Variants in DSG3 observed in about 807,000 individuals in gnomAD.
DSG3 encodes the protein desmoglein-3.
A neutral mutation model predicts 85.9 loss-of-function variants in DSG3; 63 were observed. That is an observed-to-expected ratio of 0.73 (90% CI 0.60 to 0.90). The LOEUF (loss-of-function observed/expected upper bound fraction) is 0.90. Among genes scored for constraint, DSG3 ranks in the 40% least tolerant of loss-of-function variants. DSG3 has a pLI of 0.00. For missense variants in DSG3, 1,220 were observed against 1,219.9 expected, an observed-to-expected ratio of 1.00 and a Z score of 0.00; for synonymous variants, 447 against 441.9, an observed-to-expected ratio of 1.01 and a Z score of -0.14.
intron 12 of DSG3, among the ~76,000 whole-genome samples, chr18:31,470,533 A>G (rs2072849391): frequency 6.6e-6 from 1 of 152,188 alleles, no homozygotes; most frequent in South Asian, 2.1e-4. Context: ...CGTATTAATC[A>G]AGTTCAAGAA....
chr18:31,449,469 CT>C (rs1254458575), intron 1 of DSG3, among the ~76,000 whole-genome samples: 3 of 150,816 alleles, frequency 2.0e-5, no homozygotes, highest in African/African-American at 4.8e-5. Flanking sequence ...AAGGGGGATT[CT>C]TTTTTTTTTC....
At chr18:31,472,222 A>C (rs918788105) in intron 12 of DSG3, 62 bp from the exon 13 acceptor site, 1 of 1,601,848 alleles carries the variant, frequency 6.2e-7, no homozygotes, top group African/African-American at 1.3e-5. Context: ...CTGAAAAATT[A>C]TCACATTAAA....
chr18:31,466,561 A>C lies in DSG3; in HGVS notation c.1443A>C (p.Val481=). 1.2e-6 allele frequency: 2 copies of C among 1,614,220 alleles called. No individual in the cohort carries two copies. Among genetic ancestry groups the C allele is most frequent in the Non-Finnish European group, 1.7e-6 (2 of 1,180,032 alleles). ...EYTGKTSTGT[V]YVRVPDFNDN... is the part of the protein sequence containing the mutation. Reference sequence around the variant, plus strand: ...CGGGTAAAACTTCTACAGGCACGGTATATGTTAGAGTACCCGATTTCAATG... The same window carrying C: ...CGGGTAAAACTTCTACAGGCACGGTCTATGTTAGAGTACCCGATTTCAATG... The change falls in exon 11 of 16, where the codon GTA becomes GTC. Residue 481 remains valine (V), a synonymous_variant. Coordinates refer to ENST00000257189, the MANE Select transcript of DSG3 (RefSeq NM_001944.3).
chr18:31,472,310 G>C lies in DSG3; in HGVS notation c.1924G>C (p.Asp642His). ...GGCCCCCCTTCTGCTGTTGACCTGTGACTGTGGGGCAGGTTCTACTGGGGG... is the reference window on the plus strand; with the variant it reads ...GGCCCCCCTTCTGCTGTTGACCTGTCACTGTGGGGCAGGTTCTACTGGGGG... ...LLAPLLLLTC[D>H]CGAGSTGGVT... Residue 642 changes from aspartate (D) to histidine (H), a missense_variant, in exon 13 of 16, where the codon GAC becomes CAC. Physicochemically the swap from Asp to His is moderately conservative, Grantham distance 81. Coordinates refer to ENST00000257189, the MANE Select transcript of DSG3 (RefSeq NM_001944.3). The C allele has an allele frequency of 6.2e-7, 1 of 1,614,146 alleles. No homozygotes were observed. Among genetic ancestry groups the C allele is most frequent in the Non-Finnish European group, 8.5e-7 (1 of 1,180,028 alleles).
In DSG3 at chr18:31,469,201, A is replaced by G. The variant is rs779221754; in HGVS notation, c.1749A>G (p.Thr583=). ...NNRCEMPRSL[T]LEVCQCDNRG... ...GGTGTGAGATGCCACGCAGCTTGAC[A>G]CTGGAAGTCTGTCAGTGTGACAACA... The change falls in exon 12 of 16, where the codon ACA becomes ACG. Residue 583 remains threonine (T), a synonymous_variant. Transcript: ENST00000257189. 5 of 1,614,070 alleles carry G rather than the reference A, an allele frequency of 3.1e-6. No individual in the cohort carries two copies. Among genetic ancestry groups the G allele is most frequent in the Admixed American group, 3.3e-5 (2 of 60,010 alleles).
intron 14 of DSG3, 45 bp from the exon 15 acceptor site, chr18:31,474,076 A>T: frequency 1.9e-6 from 3 of 1,568,300 alleles, no homozygotes; most frequent in Non-Finnish European, 2.6e-6. Flanking sequence ...AAAATGCAAC[A>T]AACAACAGCA....
chr18:31,472,795 G>A lies in DSG3; in HGVS notation c.2101+7G>A, dbSNP rs1260067539. The A allele has an allele frequency of 6.2e-7, 1 of 1,613,488 alleles. No homozygotes were observed. Among genetic ancestry groups the A allele is most frequent in the South Asian group, 1.1e-5 (1 of 91,050 alleles). ...GATTTCATGGAAAGTTCTGGTAAGTGGACATAAAATGTTTGAAAGCAATGG... is the reference window on the plus strand; with the variant it reads ...GATTTCATGGAAAGTTCTGGTAAGTAGACATAAAATGTTTGAAAGCAATGG... On this transcript the variant is annotated splice_region_variant and intron_variant, in intron 14 of 15. Coordinates refer to ENST00000257189, the MANE Select transcript of DSG3 (RefSeq NM_001944.3).
chr18:31,470,894 C>G (rs1296729880), intron 12 of DSG3, among the ~76,000 whole-genome samples: 1 of 152,186 alleles, frequency 6.6e-6, no homozygotes, highest in Admixed American at 6.5e-5. Context: ...GAAGGAGCAA[C>G]AGAGAATGCA....
Position 31,476,200 on chromosome 18 carries a change from G to A in DSG3, c.2940G>A (p.Thr980=), listed in dbSNP as rs768325351. 12 of 1,613,996 alleles carry A rather than the reference G, an allele frequency of 7.4e-6. No individual in the cohort carries two copies. Among genetic ancestry groups the A allele is most frequent in the East Asian group, 4.5e-5 (2 of 44,894 alleles). ...SSVPGNLAGP[T]QLRGSHTMLC... The stretch of plus-strand genomic sequence containing the variant: ...TTCCTGGCAACCTAGCTGGCCCAAC[G>A]CAGCTACGAGGGTCACATACTATGC... The change falls in exon 16 of 16, where the codon ACG becomes ACA. Residue 980 remains threonine (T), a synonymous_variant. Transcript: ENST00000257189.
At chr18:31,464,431 A>G (rs1318574649) in intron 9 of DSG3, 49 bp downstream of exon 9, 4 of 1,536,648 alleles carry the variant, frequency 2.6e-6, no homozygotes, top group South Asian at 1.3e-5. Flanking sequence ...GTTTTAATCT[A>G]TAAGCTATCA....
Position 31,451,473 on chromosome 18 carries a change from C to T in DSG3, c.48+3548C>T, listed in dbSNP as rs372207897. ...GAGTTAGCAAGTGTTCTAAATACAG[C>T]ACAACTATCTTCAACCACTTTGTTT... On this transcript the variant is annotated intron_variant, in intron 1 of 15. Transcript: ENST00000257189. Among the ~76,000 whole-genome samples, 74 of 152,082 alleles carry T rather than the reference C, an allele frequency of 4.9e-4. 1 individual carries two copies. The highest frequency in any genetic ancestry group is 1.6e-3 in the African/African-American group (65 of 41,414).
At chr18:31,465,184 C>A in intron 9 of DSG3, 134 bp from the exon 10 acceptor site, 1 of 613,708 alleles carries the variant, frequency 1.6e-6, no homozygotes, top group South Asian at 8.2e-5. Flanking sequence ...TTTTCTGTTG[C>A]TTTTTATAAA....
Position 31,456,473 on chromosome 18 carries a change from G to C in DSG3, c.82G>C (p.Glu28Gln), listed in dbSNP as rs771167915. ...VILVHGELRI[E>Q]TKGQYDEEEM... ...ATTGGTTCATGGAGAATTGCGAATA[G>C]AGGTAAAGTATGAAAAAGGTTTTTG... Residue 28 changes from glutamate to glutamine, a missense_variant and splice_region_variant, in exon 2 of 16, where the codon GAG becomes CAG. Glu to Gln is a conservative substitution (Grantham distance 29). Coordinates refer to ENST00000257189, the MANE Select transcript of DSG3 (RefSeq NM_001944.3). 2 of 1,335,160 alleles carry C rather than the reference G, an allele frequency of 1.5e-6. No homozygotes were observed. The highest frequency in any genetic ancestry group is 5.5e-5 in the East Asian group (2 of 36,058). The allele number at this position is 1,335,160 out of a possible 1,614,324, so 82.7% of individuals were successfully genotyped here.
At chr18:31,466,870 CA>C in intron 11 of DSG3, 116 bp downstream of exon 11, 1 of 841,090 alleles carries the variant, frequency 1.2e-6, no homozygotes, top group Non-Finnish European at 1.9e-6. Flanking sequence ...AAATTCTTTG[CA>C]ATGAAGATGT....
intron 9 of DSG3, 90 bp downstream of exon 9, chr18:31,464,472 G>T: frequency 7.4e-7 from 1 of 1,351,478 alleles, no homozygotes; most frequent in Non-Finnish European, 1.0e-6. Context: ...TATGTGCCAA[G>T]AATAGAGATA....
Position 31,459,973 on chromosome 18 carries a change from G to A in DSG3, c.646G>A (p.Gly216Arg), listed in dbSNP as rs140361176. Residue 216 changes from glycine (G) to arginine (R), a missense_variant, in exon 6 of 16, where the codon GGG (glycine) becomes AGG (arginine). By Grantham distance (125) the Gly-to-Arg change is moderately radical. Coordinates refer to ENST00000257189, the MANE Select transcript of DSG3 (RefSeq NM_001944.3). ...CATGTTCCTCCTAAGCAGAAACACT[G>A]GGGAAGTCCGTACTTTGACCAATTC... ...TPMFLLSRNT[G>R]EVRTLTNSLD... is the part of the protein sequence containing the mutation. The A allele has an allele frequency of 6.2e-7, 1 of 1,613,854 alleles. No individual in the cohort carries two copies. Among genetic ancestry groups the A allele is most frequent in the Non-Finnish European group, 8.5e-7 (1 of 1,179,970 alleles).
At chr18:31,453,256 C>A (rs1029678148) in intron 1 of DSG3, among the ~76,000 whole-genome samples, 5 of 152,098 alleles carry the variant, frequency 3.3e-5, no homozygotes, top group African/African-American at 4.8e-5. Context: ...TTATCTAATT[C>A]ATTCTACAAA....
In DSG3 at chr18:31,466,571, G is replaced by A. The variant is rs1444023321; in HGVS notation, c.1453G>A (p.Val485Ile). The change falls in exon 11 of 16, where the codon GTA (valine) becomes ATA (isoleucine). Residue 485 changes from valine to isoleucine, a missense_variant. Transcript: ENST00000257189. ...KTSTGTVYVR[V>I]PDFNDNCPTA... ...TTCTACAGGCACGGTATATGTTAGA[G>A]TACCCGATTTCAATGACAATTGTCC... 2 of 1,614,096 alleles carry A rather than the reference G, an allele frequency of 1.2e-6. No individual in the cohort carries two copies. Among genetic ancestry groups the A allele is most frequent in the African/African-American group, 1.3e-5 (1 of 74,950 alleles).
chr18:31,448,138 A>G (rs956047270), intron 1 of DSG3, among the ~76,000 whole-genome samples: 1 of 152,254 alleles, frequency 6.6e-6, no homozygotes, highest in African/African-American at 2.4e-5. Flanking sequence ...GAAAGAAATG[A>G]GTTTTAAAAA....
Sources: gnomAD v4.1 joint callset for allele counts (sites outside exome capture counted in the v4.1 genomes callset) on GRCh38, gnomAD v4.1.1 for gene constraint, MANE v1.5 for transcripts, NCBI Gene and HGNC (gene_info 2026-07-23, HGNC 2026-07-21) for gene names.